MMP26: variants seen among roughly 807,000 people sequenced by gnomAD.
The protein encoded by MMP26 is matrix metallopeptidase 26.
Under a neutral mutation model 31.0 loss-of-function variants are expected in MMP26, and 33 were observed. That is an observed-to-expected ratio of 1.06 (90% CI 0.81 to 1.42). The LOEUF (loss-of-function observed/expected upper bound fraction) is 1.42, where lower values mean the gene tolerates loss of function less well. MMP26 is among the 40% of genes most tolerant of loss of function. The pLI, the probability that MMP26 is intolerant of heterozygous loss-of-function variation, is 0.00. For missense variants in MMP26, 347 were observed against 316.1 expected (o/e 1.10, Z -0.74); for synonymous variants, 122 against 114.9 (o/e 1.06, Z -0.40).
intron 2 of MMP26, chr11:4,804,114 C>G (rs1564913611): frequency 6.2e-7 from 1 of 1,614,050 alleles, no homozygotes. Flanking sequence ...GAGCATGAAA[C>G]CAGAATATGG....
rs924961017 is a variant in MMP26, at chr11:4,974,137, C to T, written c.-144-13931C>T. Among the ~76,000 whole-genome samples, 27 of 151,954 alleles carry T rather than the reference C, an allele frequency of 1.8e-4. 1 individual carries two copies. Among genetic ancestry groups the T allele is most frequent in the African/African-American group, 6.3e-4 (26 of 41,368 alleles). ...ATCTTAAAATAGATACAGATTATAA[C>T]AGGTACAAGTCCTATACAAGGACTA... On this transcript the variant is annotated intron_variant, in intron 2 of 7. Coordinates refer to ENST00000380390, the MANE Select transcript of MMP26 (RefSeq NM_021801.5).
intron 2 of MMP26, among the ~76,000 whole-genome samples, chr11:4,878,424 A>C (rs1850414636): frequency 6.6e-6 from 1 of 152,112 alleles, no homozygotes; most frequent in Admixed American, 6.6e-5. Context: ...GAATCAGAAA[A>C]AATATTAAAA....
intron 2 of MMP26, among the ~76,000 whole-genome samples, chr11:4,917,584 C>A (rs1255082400): frequency 6.6e-6 from 1 of 152,172 alleles, no homozygotes; most frequent in East Asian, 1.9e-4. Flanking sequence ...CACTGTCCAC[C>A]TGAAGATCAT....
At chr11:4,907,615 G>A in intron 2 of MMP26, 1 of 1,613,966 alleles carries the variant, frequency 6.2e-7, no homozygotes. Context: ...CTACCATGTT[G>A]AGGGTCTTCT....
intron 2 of MMP26, among the ~76,000 whole-genome samples, chr11:4,823,144 G>A (rs920042734): frequency 6.6e-6 from 1 of 151,098 alleles, no homozygotes; most frequent in African/African-American, 2.5e-5. Flanking sequence ...GCAAAGGCTG[G>A]CTGATATCAA....
At chr11:4,924,386 C>A (rs1263102551) in intron 2 of MMP26, 2 of 1,534,192 alleles carry the variant, frequency 1.3e-6, no homozygotes, top group Non-Finnish European at 1.7e-6. Context: ...GAATGAGATT[C>A]CTGGAAAGTG....
At chr11:4,819,143 G>T (rs1319108377) in intron 2 of MMP26, among the ~76,000 whole-genome samples, 1 of 152,074 alleles carries the variant, frequency 6.6e-6, no homozygotes, top group African/African-American at 2.4e-5. Flanking sequence ...ATTTGGTTTT[G>T]AACATAGGAG....
At chr11:4,778,211 A>G (rs1848813531) in intron 2 of MMP26, among the ~76,000 whole-genome samples, 1 of 152,054 alleles carries the variant, frequency 6.6e-6, no homozygotes, top group African/African-American at 2.4e-5. Context: ...TTTATGACTA[A>G]TAGGGTGAAA....
At chr11:4,769,333 C>T (rs267602906) in intron 2 of MMP26, 1 of 1,613,592 alleles carries the variant, frequency 6.2e-7, no homozygotes, top group East Asian at 2.2e-5. Context: ...TGCTATTTGC[C>T]CGAATGTCTG....
chr11:4,759,312 G>A (rs2133409117), intron 1 of MMP26, among the ~76,000 whole-genome samples: 1 of 152,220 alleles, frequency 6.6e-6, no homozygotes, highest in East Asian at 1.9e-4. Flanking sequence ...GCACAGTTGT[G>A]TCACGGAGTG....
intron 1 of MMP26, among the ~76,000 whole-genome samples, chr11:4,748,576 C>CA (rs376553434): frequency 0.039 from 4,773 of 122,618 alleles, 121 homozygotes; most frequent in East Asian, 0.16. Flanking sequence ...AACAGCACAT[C>CA]AAAAAAAAAA....
At chr11:4,980,690 A>G (rs928915246) in intron 2 of MMP26, among the ~76,000 whole-genome samples, 5 of 152,110 alleles carry the variant, frequency 3.3e-5, no homozygotes, top group African/African-American at 9.7e-5. Context: ...GAAAATATGA[A>G]GAAATTATTT....
intron 2 of MMP26, among the ~76,000 whole-genome samples, chr11:4,902,544 T>C (rs1307410645): frequency 6.6e-6 from 1 of 152,210 alleles, no homozygotes; most frequent in African/African-American, 2.4e-5. Context: ...TGGTTTCATG[T>C]CTTTGCTATT....
Position 4,724,984 on chromosome 11 carries a change from A to T in MMP26, c.-217+19939A>T, listed in dbSNP as rs183682292. On this transcript the variant is annotated intron_variant, in intron 1 of 7. Coordinates refer to ENST00000380390, the MANE Select transcript of MMP26 (RefSeq NM_021801.5). ...GGGCCTGGTGGAAGGTGATTGGATC[A>T]CAGGGACAGTTTCTCATGGCTTAAC... Among the ~76,000 whole-genome samples, 224 of 152,362 alleles carry T rather than the reference A, an allele frequency of 1.5e-3. 1 individual carries two copies. The highest frequency in any genetic ancestry group is 5.1e-3 in the African/African-American group (211 of 41,590).
At chr11:4,900,877 G>A (rs1850790169) in intron 2 of MMP26, among the ~76,000 whole-genome samples, 1 of 152,120 alleles carries the variant, frequency 6.6e-6, no homozygotes, top group South Asian at 2.1e-4. Flanking sequence ...TTTATACAAA[G>A]AGGATGAGTG....
In MMP26 at chr11:4,821,819, G is replaced by A. The variant is rs202102303; in HGVS notation, c.-145+54478G>A. 12 of 1,613,164 alleles carry A rather than the reference G, an allele frequency of 7.4e-6. No individual in the cohort carries two copies. The East Asian group carries it at 2.5e-4, about 33-fold the overall frequency. ...TTTGTGGCCATCTGTTACCCACTGA[G>A]ATACACTACCATCCTTACCAATGCC... On this transcript the variant is annotated intron_variant, in intron 2 of 7. Transcript: ENST00000380390.
chr11:4,803,529 T>G (rs1849212642), intron 2 of MMP26: 1 of 1,613,836 alleles, frequency 6.2e-7, no homozygotes. Flanking sequence ...GAGGTATCAG[T>G]AGATAGAGAT....
intron 2 of MMP26, chr11:4,945,304 C>A (rs1200466169): frequency 1.3e-5 from 2 of 152,082 alleles, no homozygotes; most frequent in Non-Finnish European, 2.9e-5. Context: ...CAAAAGAGAT[C>A]TGATGTGAAA....
intron 2 of MMP26, chr11:4,913,036 A>T (rs1851015609): frequency 6.6e-6 from 1 of 152,154 alleles, no homozygotes; most frequent in Admixed American, 6.5e-5. Context: ...TCTTAAATTT[A>T]TTTGCTTTCC....
Sources: allele counts gnomAD v4.1 joint callset (sites outside exome capture counted in the v4.1 genomes callset), GRCh38; gene constraint gnomAD v4.1.1; transcripts MANE v1.5; gene names NCBI Gene and HGNC (gene_info 2026-07-23, HGNC 2026-07-21).